Variants in MRTO4 observed in about 807,000 individuals in gnomAD.
The protein encoded by MRTO4 is MRT4 homolog, ribosome maturation factor.
Under a neutral mutation model 28.6 loss-of-function variants are expected in MRTO4, and 7 were observed. The observed-to-expected ratio is 0.24, with a 90% CI of 0.14 to 0.46. MRTO4 has a LOEUF of 0.46. MRTO4 is among the 20% of genes least tolerant of loss of function. The pLI is 0.99. For synonymous variants in MRTO4, 113 were observed against 108.2 expected (o/e 1.04, Z -0.27); for missense variants, 302 against 298.3 (o/e 1.01, Z -0.09).
intron 3 of MRTO4, among the ~76,000 whole-genome samples, 178 bp from the exon 4 acceptor site, chr1:19,256,886 A>C (rs2093672216): frequency 6.6e-6 from 1 of 152,154 alleles, no homozygotes. Context: ...TGTGGGTGGG[A>C]ACATAATGAA....
rs1437022413 is a variant in MRTO4 at position 19,258,984 on chromosome 1, C to T, written c.*154C>T. On this transcript the variant is annotated 3_prime_UTR_variant, in exon 8 of 8. Transcript: ENST00000330263. The stretch of plus-strand genomic sequence containing the variant: ...TCCTGTAAAGAATAAAACTGTGGGC[C>T]GGGCGCGGTGGCTCACGCCTGGAAT... 2.1e-5 allele frequency: 21 copies of T among 1,005,474 alleles called. No homozygotes were observed. Among genetic ancestry groups the T allele is most frequent in the East Asian group, 5.3e-5 (2 of 37,656 alleles). The allele number at this position is 1,005,474 out of a possible 1,614,324, so 62.3% of individuals were successfully genotyped here.
At chr1:19,255,456 A>G (rs1273246119) in intron 2 of MRTO4, among the ~76,000 whole-genome samples, 1 of 149,784 alleles carries the variant, frequency 6.7e-6, no homozygotes, top group Non-Finnish European at 1.5e-5. Flanking sequence ...GACTGCACCA[A>G]CCCACTGTCT....
chr1:19,257,781 G>A, intron 5 of MRTO4, 52 bp from the exon 6 acceptor site: 1 of 1,597,460 alleles, frequency 6.3e-7, no homozygotes, highest in Non-Finnish European at 8.5e-7. Context: ...TGACTCATGG[G>A]CTGGTGGCGT....
intron 6 of MRTO4, among the ~76,000 whole-genome samples, 169 bp from the exon 7 acceptor site, chr1:19,258,308 C>A (rs1466941049): frequency 6.6e-6 from 1 of 152,080 alleles, no homozygotes; most frequent in East Asian, 1.9e-4. Context: ...CCCAGGAGGT[C>A]GAGGCTGCGG....
intron 3 of MRTO4, among the ~76,000 whole-genome samples, chr1:19,256,525 A>AT (rs2093671776): frequency 6.6e-6 from 1 of 152,126 alleles, no homozygotes; most frequent in South Asian, 2.1e-4. Flanking sequence ...CAAAAAGCAG[A>AT]TTTTGCACTG....
chr1:19,256,110 G>T, intron 3 of MRTO4, 59 bp downstream of exon 3: 4 of 1,491,590 alleles, frequency 2.7e-6, no homozygotes, highest in Non-Finnish European at 2.8e-6. Context: ...GCTGCTCTCA[G>T]TCAAAGCACA....
At chr1:19,251,989 G>A in intron 1 of MRTO4, 126 bp downstream of exon 1, 1 of 1,334,700 alleles carries the variant, frequency 7.5e-7, no homozygotes, top group Non-Finnish European at 1.0e-6. Context: ...GTGTTCCGCT[G>A]CCTCGCTGCG....
chr1:19,252,818 G>A (rs904943268), intron 1 of MRTO4, among the ~76,000 whole-genome samples: 2 of 151,914 alleles, frequency 1.3e-5, no homozygotes, highest in Non-Finnish European at 2.9e-5. Flanking sequence ...ACCCAGCTAG[G>A]TTTTTTTTGT....
chr1:19,258,127 A>G (rs2093674391), intron 6 of MRTO4, 143 bp downstream of exon 6: 5 of 1,139,374 alleles, frequency 4.4e-6, no homozygotes, highest in Non-Finnish European at 4.9e-6. Context: ...TGCATGCCTC[A>G]CAGTGGGGGT....
chr1:19,252,064 G>A, intron 1 of MRTO4: 1 of 747,606 alleles, frequency 1.3e-6, no homozygotes. Context: ...TCGGGTCTGG[G>A]GAGCGGAGAC....
intron 4 of MRTO4, 27 bp downstream of exon 4, chr1:19,257,172 A>G (rs373627115): frequency 1.1e-4 from 171 of 1,609,390 alleles, no homozygotes; most frequent in Non-Finnish European, 1.1e-4. Flanking sequence ...CACGGGGTGG[A>G]GCTAAGGCAA....
Position 19,259,754 on chromosome 1 carries a change from G to C in MRTO4, c.*924G>C, listed in dbSNP as rs751472629. On this transcript the variant is annotated 3_prime_UTR_variant, in exon 8 of 8. Transcript: ENST00000330263. ...CTCCACACACTTCCAAACCAGGGCTGCGGATCTGATGGATGCCAGGAAGAC... is the reference window on the plus strand; with the variant it reads ...CTCCACACACTTCCAAACCAGGGCTCCGGATCTGATGGATGCCAGGAAGAC... The C allele has an allele frequency of 6.6e-6, 1 of 152,244 alleles. No individual in the cohort carries two copies. The highest frequency in any genetic ancestry group is 2.4e-5 in the African/African-American group (1 of 41,454). 9.4% of individuals were successfully genotyped at this position (152,244 alleles called of 1,614,324 possible). A position where few individuals can be genotyped will look rare whatever the true frequency, so the allele number is the denominator to read the frequency against.
rs1056554966 is a variant in MRTO4 at position 19,257,052 on chromosome 1, C to T, written c.192-12C>T. The T allele has an allele frequency of 6.2e-7, 1 of 1,613,490 alleles. No homozygotes were observed. The highest frequency in any genetic ancestry group is 8.5e-7 in the Non-Finnish European group (1 of 1,179,630). On this transcript the variant is annotated splice_polypyrimidine_tract_variant and intron_variant, in intron 3 of 7. Transcript: ENST00000330263. ...TCTTCCTTCACAGAATGCTCTTTCTCTTGCTTGGTAGGATGTTCTTTGGCA... is the reference window on the plus strand; with the variant it reads ...TCTTCCTTCACAGAATGCTCTTTCTTTTGCTTGGTAGGATGTTCTTTGGCA...
Position 19,260,011 on chromosome 1 carries a change from A to T in MRTO4, c.*1181A>T, listed in dbSNP as rs1312507412. ...ACTCCTGAGCTCAAGCGATCTACCC[A>T]CCTTGGCCTCCCAAAGTGCTGGGAT... is the stretch of plus-strand genomic sequence containing the variant. On this transcript the variant is annotated 3_prime_UTR_variant, in exon 8 of 8. Coordinates refer to ENST00000330263, the MANE Select transcript of MRTO4 (RefSeq NM_016183.4). 6.6e-6 allele frequency: 1 copy of T among 152,264 alleles called. No homozygotes were observed. The highest frequency in any genetic ancestry group is 1.5e-5 in the Non-Finnish European group (1 of 68,082). The allele number at this position is 152,264 out of a possible 1,614,324, so 9.4% of individuals were successfully genotyped here.
At position 19,257,974 on chromosome 1, in the gene MRTO4, C is replaced by T. The variant is rs770222656; in HGVS notation, c.483C>T (p.Ala161=). The T allele has an allele frequency of 6.2e-7, 1 of 1,613,882 alleles. No homozygotes were observed. The highest frequency in any genetic ancestry group is 1.7e-5 in the Admixed American group (1 of 60,014). The stretch of plus-strand genomic sequence containing the variant: ...TCAGGCAGCTGGGCCTGCCCACCGC[C>T]CTCAAGAGAGGTATGGGCAGCCCTG... ...PQLRQLGLPT[A]LKRGVVTLLS... Residue 161 remains alanine, a synonymous_variant, in exon 6 of 8, where the codon GCC becomes GCT. Transcript: ENST00000330263.
chr1:19,256,607 C>T (rs2093671898), intron 3 of MRTO4, among the ~76,000 whole-genome samples: 1 of 152,146 alleles, frequency 6.6e-6, no homozygotes, highest in African/African-American at 2.4e-5. Context: ...AGAAGTGGCC[C>T]TTTAACCCTG....
chr1:19,254,938 T>G, intron 2 of MRTO4, 98 bp downstream of exon 2: 1 of 1,058,960 alleles, frequency 9.4e-7, no homozygotes, highest in Non-Finnish European at 1.3e-6. Context: ...CAGGGGAACA[T>G]ACTAGTGGGG....
intron 5 of MRTO4, 84 bp downstream of exon 5, chr1:19,257,605 T>C (rs2093673485): frequency 6.5e-7 from 1 of 1,549,542 alleles, no homozygotes. Context: ...TCGTTCCATA[T>C]GTGGCATCAA....
chr1:19,251,969 C>T, intron 1 of MRTO4, 106 bp downstream of exon 1: 2 of 1,452,946 alleles, frequency 1.4e-6, no homozygotes, highest in Non-Finnish European at 1.9e-6. Flanking sequence ...AACGCCAGGA[C>T]ATCCTCGAGG....
Sources: allele counts gnomAD v4.1 joint callset (sites outside exome capture counted in the v4.1 genomes callset), GRCh38; gene constraint gnomAD v4.1.1; transcripts MANE v1.5; gene names NCBI Gene and HGNC (gene_info 2026-07-23, HGNC 2026-07-21).